The following KDM4C variants were observed in gnomAD, a reference collection of about 807,000 sequenced individuals.
KDM4C encodes lysine-specific demethylase 4C.
Under a neutral mutation model 129.3 loss-of-function variants are expected in KDM4C, and 81 were observed. That is an observed-to-expected ratio of 0.63 (90% CI 0.52 to 0.75). The LOEUF is 0.75. Ranked by LOEUF, KDM4C falls within the 30% of genes least tolerant of loss-of-function variation. The pLI is 0.00. For missense variants in KDM4C, 1,457 were observed against 1,304.0 expected (o/e 1.12, Z -1.81); for synonymous variants, 573 against 456.1 (o/e 1.26, Z -3.26).
At position 6,793,026 on chromosome 9, in the gene KDM4C, G is replaced by T. The variant is rs1827002246; in HGVS notation, c.38G>T (p.Ser13Ile). ...GAGGTGGAAAGTCCTCTGAACCCCA[G>T]CTGTAAGATAATGACCTTCAGACCC... ...VAEVESPLNP[S>I]CKIMTFRPSM... The change falls in exon 2 of 22, where the codon AGC becomes ATC. Residue 13 changes from serine to isoleucine, a missense_variant. Coordinates refer to ENST00000381309, the MANE Select transcript of KDM4C (RefSeq NM_015061.6). 9.3e-6 allele frequency: 15 copies of T among 1,614,074 alleles called. No homozygotes were observed. The highest frequency in any genetic ancestry group is 1.3e-5 in the African/African-American group (1 of 74,928).
chr9:6,803,098 CA>C (rs1289258899), intron 2 of KDM4C, among the ~76,000 whole-genome samples: 4 of 152,128 alleles, frequency 2.6e-5, no homozygotes, highest in African/African-American at 7.2e-5. Flanking sequence ...ACCTCTTGGG[CA>C]ATAGGGAAGA....
intron 18 of KDM4C, among the ~76,000 whole-genome samples, chr9:7,125,886 G>A (rs767937756): frequency 2.2e-4 from 34 of 152,180 alleles, no homozygotes; most frequent in Non-Finnish European, 3.5e-4. Flanking sequence ...CTGAGCTTTT[G>A]AGGCTGGTAT....
At chr9:6,773,583 C>G (rs145747022) in intron 1 of KDM4C, among the ~76,000 whole-genome samples, 3 of 152,026 alleles carry the variant, frequency 2.0e-5, no homozygotes, top group African/African-American at 7.2e-5. Flanking sequence ...CCAGCCTGAT[C>G]AACATGGTGA....
At chr9:6,742,758 C>T (rs1249949473) in intron 1 of KDM4C, among the ~76,000 whole-genome samples, 2 of 151,520 alleles carry the variant, frequency 1.3e-5, no homozygotes, top group South Asian at 2.1e-4. Flanking sequence ...ATCGCTTGAA[C>T]CCCGGGGCCT....
intron 12 of KDM4C, among the ~76,000 whole-genome samples, chr9:7,003,168 C>T (rs898952678): frequency 6.6e-6 from 1 of 152,162 alleles, no homozygotes; most frequent in South Asian, 2.1e-4. Flanking sequence ...GTCCAGCCTA[C>T]TCTTTCAACA....
At chr9:7,021,715 C>T (rs922432173) in intron 15 of KDM4C, among the ~76,000 whole-genome samples, 5 of 152,118 alleles carry the variant, frequency 3.3e-5, no homozygotes, top group African/African-American at 9.7e-5. Context: ...GGGTATTACT[C>T]AAGAAATTTT....
intron 8 of KDM4C, among the ~76,000 whole-genome samples, chr9:6,957,842 A>G (rs1056181329): frequency 6.6e-6 from 1 of 152,206 alleles, no homozygotes; most frequent in Non-Finnish European, 1.5e-5. Context: ...CAAACTGCCT[A>G]ACCCTCCTGA....
chr9:6,828,239 C>A (rs550837193), intron 4 of KDM4C, among the ~76,000 whole-genome samples: 2 of 152,186 alleles, frequency 1.3e-5, no homozygotes, highest in East Asian at 3.9e-4. Context: ...GCTCCGCCTC[C>A]CAGGTTCAGG....
At chr9:7,001,240 T>C (rs7020065) in intron 12 of KDM4C, among the ~76,000 whole-genome samples, 65,372 of 152,112 alleles carry the variant, frequency 0.43, 14,889 homozygotes, top group Non-Finnish European at 0.51. Context: ...TTATGTTCTT[T>C]GTTTTGTTTT....
chr9:6,986,198 G>T (rs547430662), intron 10 of KDM4C, 146 bp from the exon 11 acceptor site: 2 of 605,182 alleles, frequency 3.3e-6, no homozygotes, highest in East Asian at 5.5e-5. Flanking sequence ...TACAAATGAG[G>T]TTTGTTTTGT....
chr9:7,020,514 T>A (rs1824605267), intron 15 of KDM4C, among the ~76,000 whole-genome samples: 1 of 152,196 alleles, frequency 6.6e-6, no homozygotes, highest in Non-Finnish European at 1.5e-5. Flanking sequence ...TTGGAGCAAT[T>A]TTTCCTCCTT....
At chr9:7,160,546 A>G (rs191391548) in intron 19 of KDM4C, among the ~76,000 whole-genome samples, 38 of 152,212 alleles carry the variant, frequency 2.5e-4, no homozygotes, top group African/African-American at 7.9e-4. Flanking sequence ...TGTTGATGCT[A>G]TTCCCTTCCG....
intron 17 of KDM4C, among the ~76,000 whole-genome samples, chr9:7,100,648 T>G (rs1836971223): frequency 6.6e-6 from 1 of 152,238 alleles, no homozygotes. Flanking sequence ...CCTAAAGATC[T>G]TTAGAAACAT....
rs1827674332 is a variant in KDM4C at position 7,036,515 on chromosome 9, C to T, written c.2260-10347C>T. On this transcript the variant is annotated intron_variant, in intron 15 of 21. Coordinates refer to ENST00000381309, the MANE Select transcript of KDM4C (RefSeq NM_015061.6). Reference sequence around the variant, plus strand: ...GCTCTGAACACCTCAAATTAATTTTCATAGCATTGTAAACAAACAGAACAT... The same window carrying T: ...GCTCTGAACACCTCAAATTAATTTTTATAGCATTGTAAACAAACAGAACAT... Among the ~76,000 whole-genome samples the T allele has an allele frequency of 2.6e-5, 4 of 152,108 alleles. No individual in the cohort carries two copies. The South Asian group carries it at 8.3e-4, about 32-fold the overall frequency.
chr9:7,064,057 T>C (rs1832077337), intron 17 of KDM4C, among the ~76,000 whole-genome samples: 1 of 152,204 alleles, frequency 6.6e-6, no homozygotes. Flanking sequence ...TCAAATTGTA[T>C]TTAACTTTAA....
intron 19 of KDM4C, among the ~76,000 whole-genome samples, chr9:7,132,828 T>C (rs893392875): frequency 2.6e-5 from 4 of 152,202 alleles, no homozygotes; most frequent in Admixed American, 2.0e-4. Context: ...AATGGTACGG[T>C]GGACACTTGA....
chr9:7,165,759 A>C (rs1844315968), intron 20 of KDM4C, among the ~76,000 whole-genome samples: 1 of 152,164 alleles, frequency 6.6e-6, no homozygotes, highest in Non-Finnish European at 1.5e-5. Context: ...TGAGAGACAT[A>C]GTCTCCCCAC....
At chr9:7,084,457 T>C (rs1378271482) in intron 17 of KDM4C, among the ~76,000 whole-genome samples, 2 of 152,236 alleles carry the variant, frequency 1.3e-5, no homozygotes, top group African/African-American at 4.8e-5. Flanking sequence ...AATGCCCACA[T>C]AGTGCCCTAG....
At chr9:7,042,383 G>C (rs901524417) in intron 15 of KDM4C, among the ~76,000 whole-genome samples, 1 of 151,988 alleles carries the variant, frequency 6.6e-6, no homozygotes, top group South Asian at 2.1e-4. Context: ...TAAAATCTTG[G>C]TTTGTTTTAA....
Sources: gnomAD v4.1 joint callset for allele counts (sites outside exome capture counted in the v4.1 genomes callset) on GRCh38, gnomAD v4.1.1 for gene constraint, MANE v1.5 for transcripts, NCBI Gene and HGNC (gene_info 2026-07-23, HGNC 2026-07-21) for gene names.